The following IGSF23 variants were observed in gnomAD, a reference collection of about 807,000 sequenced individuals.
The protein encoded by IGSF23 is immunoglobulin superfamily, member 23.
IGSF23 carries 14 observed loss-of-function variants against 17.8 expected under a neutral mutation model. That is an observed-to-expected ratio of 0.79 (90% CI 0.52 to 1.23). The LOEUF (loss-of-function observed/expected upper bound fraction) is 1.23, where lower values mean the gene tolerates loss of function less well. Ranked by LOEUF, IGSF23 falls within the 50% of genes most tolerant of loss-of-function variation. The pLI, the probability that IGSF23 is intolerant of heterozygous loss-of-function variation, is 0.00. For synonymous variants in IGSF23, 85 were observed against 92.5 expected, an observed-to-expected ratio of 0.92 and a Z score of 0.46; for missense variants, 214 against 241.7, an observed-to-expected ratio of 0.89 and a Z score of 0.76.
chr19:44,618,548 A>C (rs1972440184), intron 1 of IGSF23, among the ~76,000 whole-genome samples: 1 of 152,058 alleles, frequency 6.6e-6, no homozygotes, highest in Non-Finnish European at 1.5e-5. Flanking sequence ...AAAACTTAAA[A>C]CATCAATCAC....
chr19:44,621,595 C>T (rs891813760), intron 1 of IGSF23, among the ~76,000 whole-genome samples: 1 of 151,886 alleles, frequency 6.6e-6, no homozygotes, highest in South Asian at 2.1e-4. Flanking sequence ...CCACTACACT[C>T]CAGCCTGAGT....
intron 1 of IGSF23, among the ~76,000 whole-genome samples, chr19:44,618,854 C>T (rs1014641922): frequency 1.3e-5 from 2 of 152,082 alleles, no homozygotes; most frequent in African/African-American, 4.8e-5. Flanking sequence ...AGCCCAGCTT[C>T]AACAGGAAGG....
intron 2 of IGSF23, among the ~76,000 whole-genome samples, chr19:44,625,840 T>C (rs1972633661): frequency 6.6e-6 from 1 of 152,152 alleles, no homozygotes; most frequent in African/African-American, 2.4e-5. Flanking sequence ...CATGCTGTTC[T>C]CGTGATAGTC....
At chr19:44,614,266 AC>A (rs987448482) in intron 1 of IGSF23, among the ~76,000 whole-genome samples, 5 of 151,758 alleles carry the variant, frequency 3.3e-5, no homozygotes, top group Admixed American at 6.6e-5. Context: ...AGAATTTGGG[AC>A]CCCAGCCCAG....
intron 1 of IGSF23, among the ~76,000 whole-genome samples, chr19:44,623,232 G>T (rs1474219448): frequency 6.6e-6 from 1 of 152,208 alleles, no homozygotes; most frequent in Admixed American, 6.5e-5. Flanking sequence ...GGCAGAGAAG[G>T]CAGGAAATAA....
At chr19:44,636,332 C>G (rs922081436) in intron 4 of IGSF23, 87 bp from the exon 5 acceptor site, 1 of 152,156 alleles carries the variant, frequency 6.6e-6, no homozygotes, top group Non-Finnish European at 1.5e-5. Flanking sequence ...CAGCCTCCCC[C>G]ACACACACAC....
intron 3 of IGSF23, 79 bp downstream of exon 3, chr19:44,627,652 A>C: frequency 7.0e-7 from 1 of 1,437,764 alleles, no homozygotes; most frequent in Non-Finnish European, 9.3e-7. Flanking sequence ...TCAACAAGGA[A>C]ACAGAGATGA....
rs1972299034 is a variant in IGSF23 at position 44,613,603 on chromosome 19, T to C, written c.-43T>C. On this transcript the variant is annotated 5_prime_UTR_variant, in exon 1 of 5. Coordinates refer to ENST00000402988, the MANE Select transcript of IGSF23 (RefSeq NM_001205280.2). ...TGTGAGTGATAGGAGCGGGCGATTCTGCTTCTCCCTCCATCTCCCGGCGGG... is the reference window on the plus strand; with the variant it reads ...TGTGAGTGATAGGAGCGGGCGATTCCGCTTCTCCCTCCATCTCCCGGCGGG... 2 of 1,508,824 alleles carry C rather than the reference T, an allele frequency of 1.3e-6. No individual in the cohort carries two copies. Among genetic ancestry groups the C allele is most frequent in the African/African-American group, 1.4e-5 (1 of 72,288 alleles). The allele number at this position is 1,508,824 out of a possible 1,614,324, so 93.5% of individuals were successfully genotyped here. A position where few individuals can be genotyped will look rare whatever the true frequency, so the allele number is the denominator to read the frequency against.
In IGSF23 at chr19:44,613,637, G is replaced by A. The variant is rs146463537; in HGVS notation, c.-9G>A. 1.4e-3 allele frequency: 2,212 copies of A among 1,543,106 alleles called. 20 individuals are homozygous for A. The African/African-American group carries it at 0.023, about 16-fold the overall frequency. Reference sequence around the variant, plus strand: ...CTCCATCTCCCGGCGGGGATTGTACGGTGAGAGAATGAGAGCAAAACCTCA... The same window carrying A: ...CTCCATCTCCCGGCGGGGATTGTACAGTGAGAGAATGAGAGCAAAACCTCA... On this transcript the variant is annotated 5_prime_UTR_variant, in exon 1 of 5. Coordinates refer to ENST00000402988, the MANE Select transcript of IGSF23 (RefSeq NM_001205280.2).
intron 1 of IGSF23, among the ~76,000 whole-genome samples, chr19:44,618,362 G>A (rs934126656): frequency 2.6e-5 from 4 of 152,096 alleles, no homozygotes; most frequent in Admixed American, 6.6e-5. Context: ...CTACACCGTC[G>A]TGCTGGAAAC....
intron 3 of IGSF23, among the ~76,000 whole-genome samples, chr19:44,629,802 T>C (rs1972729429): frequency 6.6e-6 from 1 of 151,720 alleles, no homozygotes; most frequent in African/African-American, 2.4e-5. Context: ...CCCAGCCAAT[T>C]TTTGTATTTT....
Position 44,636,627 on chromosome 19 carries a change from G to A in IGSF23, c.*240G>A, listed in dbSNP as rs1252323026. The A allele has an allele frequency of 6.6e-6, 1 of 152,228 alleles. No homozygotes were observed. Among genetic ancestry groups the A allele is most frequent in the Non-Finnish European group, 1.5e-5 (1 of 68,036 alleles). 9.4% of individuals were successfully genotyped at this position (152,228 alleles called of 1,614,324 possible). A position where few individuals can be genotyped will look rare whatever the true frequency, so the allele number is the denominator to read the frequency against. ...GACACGTTGTGCAAGCAAAGCATCA[G>A]AGGCTCATCCCTGTCTGTGGGAGCT... On this transcript the variant is annotated 3_prime_UTR_variant, in exon 5 of 5. Coordinates refer to ENST00000402988, the MANE Select transcript of IGSF23 (RefSeq NM_001205280.2).
chr19:44,635,008 G>A (rs957060776), intron 3 of IGSF23, among the ~76,000 whole-genome samples: 6 of 150,882 alleles, frequency 4.0e-5, no homozygotes, highest in Non-Finnish European at 7.4e-5. Flanking sequence ...GCTACAGACC[G>A]GGGGGGCTTA....
In IGSF23 at chr19:44,614,811, C is replaced by T. The variant is rs142356910; in HGVS notation, c.125+1041C>T. Among the ~76,000 whole-genome samples, 380 of 152,236 alleles carry T rather than the reference C, an allele frequency of 2.5e-3. 2 individuals are homozygous for T. Among genetic ancestry groups the T allele is most frequent in the African/African-American group, 8.4e-3 (351 of 41,546 alleles). On this transcript the variant is annotated intron_variant, in intron 1 of 4. Transcript: ENST00000402988. ...CTTTGAGATCAGAGCTGTACGATCC[C>T]TATTTCACAGAAGGGGAAACTGAGG...
At chr19:44,620,509 G>C (rs1972495591) in intron 1 of IGSF23, among the ~76,000 whole-genome samples, 1 of 151,854 alleles carries the variant, frequency 6.6e-6, no homozygotes, top group Non-Finnish European at 1.5e-5. Flanking sequence ...TGGGATCACA[G>C]GCGCCCGCCA....
intron 3 of IGSF23, among the ~76,000 whole-genome samples, chr19:44,632,932 A>G (rs1215027552): frequency 6.6e-6 from 1 of 152,236 alleles, no homozygotes; most frequent in Non-Finnish European, 1.5e-5. Flanking sequence ...TGTGGAATGA[A>G]CCACGTATGA....
Position 44,613,721 on chromosome 19 carries a change from C to A in IGSF23, c.76C>A (p.Pro26Thr), listed in dbSNP as rs1364843198. 2.6e-6 allele frequency: 4 copies of A among 1,550,592 alleles called. No individual in the cohort carries two copies. The highest frequency in any genetic ancestry group is 3.5e-6 in the Non-Finnish European group (4 of 1,146,988). The change falls in exon 1 of 5, where the codon CCG (proline) becomes ACG (threonine). Residue 26 changes from proline to threonine, a missense_variant. By Grantham distance (38) the Pro-to-Thr change is conservative (BLOSUM62 -1). Transcript: ENST00000402988. ...GTCCCCACCCACCACCACCACTGAC[C>A]CGATGCTAGAGAAGGATGCGGCTGG... ...AWSPPTTTTD[P>T]MLEKDAAGGD...
intron 1 of IGSF23, among the ~76,000 whole-genome samples, chr19:44,621,107 CG>C (rs1469109625): frequency 6.7e-6 from 1 of 149,792 alleles, no homozygotes; most frequent in East Asian, 2.0e-4. Flanking sequence ...CATGATGAGA[CG>C]CCCATCTCAA....
Position 44,634,580 on chromosome 19 carries a change from G to A in IGSF23, c.546-821G>A, listed in dbSNP as rs115893764. Among the ~76,000 whole-genome samples the A allele has an allele frequency of 6.9e-3, 1,053 of 152,158 alleles. 7 individuals are homozygous for A. The highest frequency in any genetic ancestry group is 0.025 in the African/African-American group (1,019 of 41,484). Reference sequence around the variant, plus strand: ...ACAGCAGTCGCTCCAGGCGCTGCTCGAACAGTCACTGGGGCAACTACTTTT... The same window carrying A: ...ACAGCAGTCGCTCCAGGCGCTGCTCAAACAGTCACTGGGGCAACTACTTTT... On this transcript the variant is annotated intron_variant, in intron 3 of 4. Transcript: ENST00000402988.
Sources: allele counts gnomAD v4.1 joint callset (sites outside exome capture counted in the v4.1 genomes callset), GRCh38; gene constraint gnomAD v4.1.1; transcripts MANE v1.5; gene names NCBI Gene and HGNC (gene_info 2026-07-23, HGNC 2026-07-21).